Variants in ADGRB1 observed in about 807,000 individuals in gnomAD.
ADGRB1 encodes adhesion G protein-coupled receptor B1.
In ADGRB1, 36 loss-of-function variants were observed where a neutral mutation model predicts 175.7. The observed-to-expected ratio is 0.20, with a 90% CI of 0.16 to 0.27. The LOEUF is 0.27. Among genes scored for constraint, ADGRB1 ranks in the 10% least tolerant of loss-of-function variants. The probability of loss-of-function intolerance (pLI) is 1.00; values close to 1 mark genes in which losing one functional copy is unlikely to be tolerated. For missense variants in ADGRB1, 1,731 were observed against 2,255.3 expected, an observed-to-expected ratio of 0.77 and a Z score of 4.71; for synonymous variants, 1,054 against 979.4, an observed-to-expected ratio of 1.08 and a Z score of -1.42.
At chr8:142,502,411 G>GAGGTGA (rs1842642801) in intron 17 of ADGRB1, among the ~76,000 whole-genome samples, 1 of 140,920 alleles carries the variant, frequency 7.1e-6, no homozygotes, top group Admixed American at 6.9e-5. Flanking sequence ...GGTGGTGGTG[G>GAGGTGA]TGGTGGTGAT....
intron 1 of ADGRB1, among the ~76,000 whole-genome samples, chr8:142,457,019 C>T (rs1464982151): frequency 2.0e-5 from 3 of 152,150 alleles, no homozygotes; most frequent in Non-Finnish European, 4.4e-5. Flanking sequence ...TGCAGCAGGG[C>T]GGGGACAGAG....
At chr8:142,461,961 C>T (rs1478516674) in intron 1 of ADGRB1, among the ~76,000 whole-genome samples, 1 of 152,056 alleles carries the variant, frequency 6.6e-6, no homozygotes, top group Non-Finnish European at 1.5e-5. Flanking sequence ...GCTGGGGAGG[C>T]CTTCTGGCTG....
intron 25 of ADGRB1, 48 bp downstream of exon 25, chr8:142,533,514 GCTGC>G: frequency 3.3e-6 from 5 of 1,533,062 alleles, no homozygotes; most frequent in Non-Finnish European, 4.4e-6. Context: ...GGGTCCTGGG[GCTGC>G]CGAGTGGCCT....
At chr8:142,460,226 G>C (rs1219903025) in intron 1 of ADGRB1, among the ~76,000 whole-genome samples, 1 of 152,230 alleles carries the variant, frequency 6.6e-6, no homozygotes, top group Non-Finnish European at 1.5e-5. Context: ...ACCTCGGCTG[G>C]CTCAGGGATG....
intron 17 of ADGRB1, among the ~76,000 whole-genome samples, chr8:142,506,842 C>G (rs945087232): frequency 2.6e-5 from 4 of 152,224 alleles, no homozygotes; most frequent in African/African-American, 9.6e-5. Context: ...CTGCTAAAGG[C>G]CAGTCCTTGA....
chr8:142,518,167 G>A lies in ADGRB1; in HGVS notation c.2847G>A (p.Val949=). Residue 949 remains valine (V), a synonymous_variant, in exon 19 of 31, where the codon GTG becomes GTA. Coordinates refer to ENST00000517894, the MANE Select transcript of ADGRB1 (RefSeq NM_001702.3). ...ANMEKATLPS[V]TLIVGCGVSS... ...TGGAGAAGGCGACTCTGCCGTCGGTGACGCTCATCGTGGGCTGTGGCGTGT... is the reference window on the plus strand; with the variant it reads ...TGGAGAAGGCGACTCTGCCGTCGGTAACGCTCATCGTGGGCTGTGGCGTGT... 6.2e-7 allele frequency: 1 copy of A among 1,613,780 alleles called. No homozygotes were observed. Among genetic ancestry groups the A allele is most frequent in the South Asian group, 1.1e-5 (1 of 91,088 alleles).
At chr8:142,496,724 G>A (rs534810460) in intron 17 of ADGRB1, among the ~76,000 whole-genome samples, 9 of 152,302 alleles carry the variant, frequency 5.9e-5, no homozygotes, top group African/African-American at 1.7e-4. Context: ...GTCCCAGAGC[G>A]GGGATGTTAG....
intron 24 of ADGRB1, among the ~76,000 whole-genome samples, chr8:142,530,366 C>T (rs561733427): frequency 2.0e-5 from 3 of 152,148 alleles, no homozygotes; most frequent in African/African-American, 7.2e-5. Flanking sequence ...TAGGGCAGGG[C>T]GGTATGGGCT....
intron 17 of ADGRB1, among the ~76,000 whole-genome samples, chr8:142,505,489 C>T (rs114984572): frequency 0.019 from 2,930 of 152,280 alleles, 63 homozygotes; most frequent in African/African-American, 0.048. Context: ...TGGCCCTGCA[C>T]TGGGGCTGAG....
At position 142,542,904 on chromosome 8, in the gene ADGRB1, C is replaced by T. The variant is rs1156841473; in HGVS notation, c.4413+257C>T. On this transcript the variant is annotated intron_variant, in intron 28 of 30. Coordinates refer to ENST00000517894, the MANE Select transcript of ADGRB1 (RefSeq NM_001702.3). This position sits in a 1 kb window ranked among gnomAD's most constrained non-coding sequence, Gnocchi z 6.3. The stretch of plus-strand genomic sequence containing the variant: ...CACAGTCTGGACCCACGGAGCAGGA[C>T]CTGCACCTCGCACAGTCGCTAGTCC... 6.6e-6 allele frequency among the ~76,000 whole-genome samples: 1 copy of T among 152,196 alleles called. No individual in the cohort carries two copies. Among genetic ancestry groups the T allele is most frequent in the Non-Finnish European group, 1.5e-5 (1 of 68,020 alleles).
Position 142,489,446 on chromosome 8 carries a change from C to T in ADGRB1, c.2631+8C>T. The stretch of plus-strand genomic sequence containing the variant: ...TTTGCCCACATGTATAATGTGAGTG[C>T]CGTCCACGTGCACACTCTGATGCCA... On this transcript the variant is annotated splice_region_variant and intron_variant, in intron 16 of 30. Transcript: ENST00000517894. 1 of 1,610,850 alleles carries T rather than the reference C, an allele frequency of 6.2e-7. No individual in the cohort carries two copies. Among genetic ancestry groups the T allele is most frequent in the South Asian group, 1.1e-5 (1 of 91,058 alleles).
intron 27 of ADGRB1, among the ~76,000 whole-genome samples, chr8:142,541,448 T>C (rs763843497): frequency 6.6e-6 from 1 of 152,064 alleles, no homozygotes; most frequent in Non-Finnish European, 1.5e-5. Flanking sequence ...GGAAGGGCCG[T>C]GACAGAGGGC....
intron 27 of ADGRB1, among the ~76,000 whole-genome samples, chr8:142,541,614 G>A (rs1186828616): frequency 6.6e-6 from 1 of 152,222 alleles, no homozygotes; most frequent in Non-Finnish European, 1.5e-5. Context: ...GCTTCCGGGA[G>A]TCAAGGCCGC....
intron 19 of ADGRB1, 64 bp downstream of exon 19, chr8:142,518,305 T>C (rs1587395303): frequency 9.8e-6 from 15 of 1,537,320 alleles, no homozygotes; most frequent in African/African-American, 2.7e-5. Context: ...CCTCTTCCCT[T>C]GAAGGTCACG....
rs564506858 is a variant in ADGRB1 at position 142,511,503 on chromosome 8, C to G, written c.2817+430C>G. Among the ~76,000 whole-genome samples the G allele has an allele frequency of 3.3e-4, 50 of 152,294 alleles. No individual in the cohort carries two copies. The South Asian group carries it at 9.9e-3, about 30-fold the overall frequency. On this transcript the variant is annotated intron_variant, in intron 18 of 30. Coordinates refer to ENST00000517894, the MANE Select transcript of ADGRB1 (RefSeq NM_001702.3). The surrounding 1 kb of genome is among the most constrained non-coding windows in gnomAD (Gnocchi z 4.5). ...GGAGGAGGAGGAGCTGCCGCCTTGG[C>G]AGAGCCCTTCGACCCACCCCAAGTA...
At chr8:142,541,418 G>A (rs533525702) in intron 27 of ADGRB1, among the ~76,000 whole-genome samples, 1 of 152,246 alleles carries the variant, frequency 6.6e-6, no homozygotes, top group East Asian at 1.9e-4. Context: ...AGGCTTGCAG[G>A]CCCCAGGGGC....
intron 17 of ADGRB1, among the ~76,000 whole-genome samples, chr8:142,507,273 A>G (rs1842893007): frequency 6.6e-6 from 1 of 152,174 alleles, no homozygotes; most frequent in African/African-American, 2.4e-5. Flanking sequence ...CCCCTGACAC[A>G]TGCTGCCAAG....
chr8:142,532,794 C>T (rs906471939), intron 24 of ADGRB1, among the ~76,000 whole-genome samples: 7 of 152,054 alleles, frequency 4.6e-5, no homozygotes, highest in Non-Finnish European at 7.4e-5. Context: ...GGTCCTGGAC[C>T]AGGGGATCCT....
chr8:142,522,456 T>C (rs991474078), intron 21 of ADGRB1, among the ~76,000 whole-genome samples, 185 bp from the exon 22 acceptor site: 1 of 152,238 alleles, frequency 6.6e-6, no homozygotes, highest in Non-Finnish European at 1.5e-5. Context: ...TGGACCACCC[T>C]GCGCCCAGCT....
Sources: allele counts gnomAD v4.1 joint callset (sites outside exome capture counted in the v4.1 genomes callset), GRCh38; gene constraint gnomAD v4.1.1; non-coding constraint Gnocchi (gnomAD v3.1); transcripts MANE v1.5; gene names NCBI Gene and HGNC (gene_info 2026-07-23, HGNC 2026-07-21).